The following PFAS variants were observed in gnomAD, a reference collection of about 807,000 sequenced individuals.
The protein encoded by PFAS is FGAM synthase.
PFAS carries 97 observed loss-of-function variants against 140.6 expected under a neutral mutation model. The ratio of observed to expected loss-of-function variants is 0.69; its 90% CI spans 0.59 to 0.82. PFAS has a LOEUF of 0.82. PFAS is among the 40% of genes least tolerant of loss of function. The pLI is 0.00. For missense variants in PFAS, 1,656 were observed against 1,780.2 expected, an observed-to-expected ratio of 0.93 and a Z score of 1.26; for synonymous variants, 679 against 718.8, an observed-to-expected ratio of 0.94 and a Z score of 0.88.
intron 8 of PFAS, 44 bp downstream of exon 8, chr17:8,256,692 G>A: frequency 6.2e-7 from 1 of 1,607,616 alleles, no homozygotes; most frequent in Non-Finnish European, 8.5e-7. Context: ...CACAGAATAG[G>A]GTAGGGCAAA....
chr17:8,256,641 T>A lies in PFAS; in HGVS notation c.939T>A (p.Phe313Leu), dbSNP rs536996085. ...HVVFTAETHN[F>L]PTGVCPFSGA... ...TCTTCACAGCAGAGACTCACAACTT[T>A]CCCACAGGTGAGCTGGGTTCCCTGG... is the stretch of plus-strand genomic sequence containing the variant. Residue 313 changes from phenylalanine to leucine, a missense_variant, in exon 8 of 28, where the codon TTT (phenylalanine) becomes TTA (leucine). Physicochemically the swap from Phe to Leu is conservative, Grantham distance 22. Around this residue, in one of 2 missense-constraint regions of PFAS, gnomAD observed 773 missense variants for 757.3 expected, o/e 1.02. Coordinates refer to ENST00000314666, the MANE Select transcript of PFAS (RefSeq NM_012393.3). The A allele has an allele frequency of 5.0e-6, 8 of 1,613,938 alleles. No individual in the cohort carries two copies. Among genetic ancestry groups the A allele is most frequent in the Non-Finnish European group, 6.8e-6 (8 of 1,180,036 alleles).
intron 1 of PFAS, among the ~76,000 whole-genome samples, chr17:8,252,021 T>C (rs1989173961): frequency 6.6e-6 from 1 of 151,958 alleles, no homozygotes; most frequent in Non-Finnish European, 1.5e-5. Flanking sequence ...TGGGTCGGAA[T>C]GGTGGCGCAC....
At chr17:8,257,022 G>A in intron 9 of PFAS, 59 bp downstream of exon 9, 1 of 1,580,140 alleles carries the variant, frequency 6.3e-7, no homozygotes. Context: ...CTGGCAGGCA[G>A]CAAACTTCTA....
intron 11 of PFAS, among the ~76,000 whole-genome samples, chr17:8,259,761 A>G (rs1989517299): frequency 6.6e-6 from 1 of 151,222 alleles, no homozygotes; most frequent in African/African-American, 2.4e-5. Context: ...GCACTCCAGC[A>G]TGAGTGACAG....
upstream of PFAS, chr17:8,247,958 T>C (rs1185340797): frequency 1.1e-5 from 18 of 1,586,382 alleles, no homozygotes; most frequent in Non-Finnish European, 1.4e-5. Context: ...AGAGTATCTG[T>C]GACAAACAAG....
intron 17 of PFAS, 107 bp downstream of exon 17, chr17:8,264,708 G>T: frequency 7.9e-7 from 1 of 1,273,704 alleles, no homozygotes. Context: ...GGCCCTGCAG[G>T]AAGCAGCAGG....
At position 8,263,223 on chromosome 17, in the gene PFAS, A is replaced by T; in HGVS notation, c.1525A>T (p.Asn509Tyr). The change falls in exon 13 of 28, where the codon AAC becomes TAC. Residue 509 changes from asparagine (N) to tyrosine (Y), a missense_variant. Physicochemically the swap from Asn to Tyr is moderately radical, Grantham distance 143. Coordinates refer to ENST00000314666, the MANE Select transcript of PFAS (RefSeq NM_012393.3). ...IRACVEAPKG[N>Y]PICSLHDQGA... Reference sequence around the variant, plus strand: ...GGCTTGTGTGGAGGCCCCCAAGGGAAACCCCATCTGCAGCCTTCATGATCA... The same window carrying T: ...GGCTTGTGTGGAGGCCCCCAAGGGATACCCCATCTGCAGCCTTCATGATCA... 1 of 1,614,166 alleles carries T rather than the reference A, an allele frequency of 6.2e-7. No homozygotes were observed. Among genetic ancestry groups the T allele is most frequent in the Non-Finnish European group, 8.5e-7 (1 of 1,180,022 alleles).
intron 18 of PFAS, 41 bp downstream of exon 18, chr17:8,265,166 T>C (rs1158595058): frequency 6.4e-7 from 1 of 1,567,348 alleles, no homozygotes; most frequent in East Asian, 2.3e-5. Flanking sequence ...CCCCCGGGCT[T>C]CAGGACCCTT....
At chr17:8,247,665 T>G, upstream of PFAS, 1 of 247,646 alleles carries the variant, frequency 4.0e-6, no homozygotes, top group Non-Finnish European at 8.0e-6. Context: ...CTTTTACTTA[T>G]TATGGTTGCC....
rs886495049 is a variant in PFAS, at chr17:8,266,765, T to C, written c.2834T>C (p.Leu945Pro). 7.5e-6 allele frequency: 12 copies of C among 1,608,902 alleles called. No individual in the cohort carries two copies. Among genetic ancestry groups the C allele is most frequent in the Non-Finnish European group, 1.0e-5 (12 of 1,177,572 alleles). The change falls in exon 23 of 28, where the codon CTG (leucine) becomes CCG (proline). Residue 945 changes from leucine (L) to proline (P), a missense_variant. Transcript: ENST00000314666. The surrounding 1 kb of genome is among the most constrained non-coding windows in gnomAD (Gnocchi z 5.0). ...ATTGCTCTCCCAGTCCTGTCTGTGC[T>C]GTTCGCTGAGGAGCCAGGCCTCGTG... ...PVPRVDVLSVLFAEEPGLVLE... is the reference protein window; with the variant it reads ...PVPRVDVLSVPFAEEPGLVLE...
At chr17:8,257,704 A>G in intron 9 of PFAS, 103 bp from the exon 10 acceptor site, 1 of 1,167,500 alleles carries the variant, frequency 8.6e-7, no homozygotes, top group Non-Finnish European at 1.3e-6. Flanking sequence ...GCAACCATGC[A>G]GGTGGTCCTT....
Position 8,269,034 on chromosome 17 carries a change from G to T in PFAS, c.3787G>T (p.Asp1263Tyr), listed in dbSNP as rs774177961. The T allele has an allele frequency of 1.2e-6, 2 of 1,614,196 alleles. No homozygotes were observed. The highest frequency in any genetic ancestry group is 1.7e-6 in the Non-Finnish European group (2 of 1,179,998). The change falls in exon 28 of 28, where the codon GAC becomes TAC. Residue 1263 changes from aspartate (D) to tyrosine (Y), a missense_variant. By Grantham distance (160) the Asp-to-Tyr change is radical (BLOSUM62 -3). Coordinates refer to ENST00000314666, the MANE Select transcript of PFAS (RefSeq NM_012393.3). The stretch of plus-strand genomic sequence containing the variant: ...GGCTCCACTGCACTGGGCTGATGAT[G>T]ACGGGAACCCCACAGAGCAGTACCC... Reference protein sequence around the residue: ...GLAPLHWADDDGNPTEQYPLN... With the variant: ...GLAPLHWADDYGNPTEQYPLN...
intron 1 of PFAS, among the ~76,000 whole-genome samples, chr17:8,252,180 G>A (rs933159606): frequency 1.3e-5 from 2 of 151,558 alleles, no homozygotes; most frequent in African/African-American, 2.4e-5. Flanking sequence ...TGTAATCTCA[G>A]CTACTTGGGA....
intron 8 of PFAS, 24 bp from the exon 9 acceptor site, chr17:8,256,811 C>A: frequency 6.3e-7 from 1 of 1,580,236 alleles, no homozygotes; most frequent in Non-Finnish European, 8.6e-7. Flanking sequence ...GGCACCCAGA[C>A]CTCTCCCCAC....
intron 1 of PFAS, among the ~76,000 whole-genome samples, chr17:8,249,835 C>CA (rs1989078382): frequency 6.6e-6 from 1 of 152,154 alleles, no homozygotes; most frequent in African/African-American, 2.4e-5. Context: ...TTTTGCGTTT[C>CA]AAGCCCTGGT....
chr17:8,253,890 A>ATCTCTCCAGCAAAGGACACC lies in PFAS; in HGVS notation c.-26_-7dup, dbSNP rs749327793. On this transcript the variant is annotated 5_prime_UTR_variant, in exon 2 of 28. Coordinates refer to ENST00000314666, the MANE Select transcript of PFAS (RefSeq NM_012393.3). ...AATTCATCTCTCCAGCAAAGGACAC[A>ATCTCTCCAGCAAAGGACACC]TCTCTCCAGCAAAGGACACCTCTCT... is the stretch of plus-strand genomic sequence containing the variant. 76 of 1,574,628 alleles carry ATCTCTCCAGCAAAGGACACC rather than the reference A, an allele frequency of 4.8e-5. 1 individual carries two copies. In the East Asian group the frequency reaches 5.6e-4, roughly 12 times the overall value.
upstream of PFAS, among the ~76,000 whole-genome samples, chr17:8,249,024 AC>A (rs1210965389): frequency 1.3e-5 from 2 of 152,156 alleles, no homozygotes; most frequent in African/African-American, 4.8e-5. Context: ...TCGTAATGCC[AC>A]CAAAGCACAA....
At position 8,268,763 on chromosome 17, in the gene PFAS, C is replaced by T. The variant is rs757030491; in HGVS notation, c.3613C>T (p.Arg1205Cys). ...RHNLSGRYES[R>C]WASVRVGPGP... ...CAACCTGTCTGGGCGCTACGAGTCT[C>T]GCTGGGCCAGCGTGCGTGTGGGGCC... The change falls in exon 27 of 28, where the codon CGC becomes TGC. Residue 1205 changes from arginine to cysteine, a missense_variant. Coordinates refer to ENST00000314666, the MANE Select transcript of PFAS (RefSeq NM_012393.3). 54 of 1,611,432 alleles carry T rather than the reference C, an allele frequency of 3.4e-5. No individual in the cohort carries two copies. Among genetic ancestry groups the T allele is most frequent in the Middle Eastern group, 1.7e-4 (1 of 6,052 alleles).
intron 14 of PFAS, 39 bp from the exon 15 acceptor site, chr17:8,263,736 C>T (rs1450437280): frequency 6.2e-7 from 1 of 1,609,178 alleles, no homozygotes; most frequent in Non-Finnish European, 8.5e-7. Context: ...TGGGAGTGCC[C>T]ACTGGCCCTT....
Sources: gnomAD v4.1 joint callset for allele counts (sites outside exome capture counted in the v4.1 genomes callset) on GRCh38, gnomAD v4.1.1 for gene constraint, gnomAD v4.1.1 regional missense constraint, Gnocchi (gnomAD v3.1) non-coding constraint, MANE v1.5 for transcripts, NCBI Gene and HGNC (gene_info 2026-07-23, HGNC 2026-07-21) for gene names.